The following ADGRG1 variants were observed in gnomAD, a reference collection of about 807,000 sequenced individuals.
ADGRG1 encodes the protein 7-transmembrane protein with no EGF-like N-terminal domains-1.
Under a neutral mutation model 73.5 loss-of-function variants are expected in ADGRG1, and 53 were observed. That is an observed-to-expected ratio of 0.72 (90% CI 0.58 to 0.91). ADGRG1 has a LOEUF of 0.91. ADGRG1 is among the 40% of genes least tolerant of loss of function. The probability of loss-of-function intolerance (pLI) is 0.00; values close to 1 mark genes in which losing one functional copy is unlikely to be tolerated. For synonymous variants in ADGRG1, 394 were observed against 374.4 expected (o/e 1.05, Z -0.60); for missense variants, 795 against 871.8 (o/e 0.91, Z 1.11).
Position 57,660,823 on chromosome 16 carries a change from C to A in ADGRG1, c.1611C>A (p.Gly537=). ...LVALVDVDNY[G]PIILAVHRTP... is the part of the protein sequence containing the mutation. ...CCCTGGTGGATGTGGACAACTATGG[C>A]CCCATCATCTTGGCTGTGCATAGGA... The change falls in exon 12 of 14, where the codon GGC becomes GGA. Residue 537 remains glycine (G), a synonymous_variant. Transcript: ENST00000562631. 6.2e-7 allele frequency: 1 copy of A among 1,613,000 alleles called. No homozygotes were observed. The highest frequency in any genetic ancestry group is 8.5e-7 in the Non-Finnish European group (1 of 1,179,014).
At chr16:57,653,949 C>A in intron 4 of ADGRG1, 37 bp from the exon 5 acceptor site, 1 of 1,613,068 alleles carries the variant, frequency 6.2e-7, no homozygotes, top group Non-Finnish European at 8.5e-7. Flanking sequence ...GCCCGGCCCC[C>A]TCCCCACCAT....
In ADGRG1 at chr16:57,634,972, T is replaced by C. The variant is rs1358366065; in HGVS notation, c.-36+6170T>C. On this transcript the variant is annotated intron_variant, in intron 1 of 13. Coordinates refer to ENST00000562631, the MANE Select transcript of ADGRG1 (RefSeq NM_201525.4). ...CTCCACCATGAAAGCCATGAATGCATCTTCAGAGACCCCTGTCCATGTGTA... is the reference window on the plus strand; with the variant it reads ...CTCCACCATGAAAGCCATGAATGCACCTTCAGAGACCCCTGTCCATGTGTA... 4 of 985,210 alleles carry C rather than the reference T, an allele frequency of 4.1e-6. No homozygotes were observed. The South Asian group carries it at 1.4e-4, about 35-fold the overall frequency. 61.0% of individuals were successfully genotyped at this position (985,210 alleles called of 1,614,324 possible). A position where few individuals can be genotyped will look rare whatever the true frequency, so the allele number is the denominator to read the frequency against.
chr16:57,623,804 C>G (rs905506385), upstream of ADGRG1: 2 of 985,366 alleles, frequency 2.0e-6, no homozygotes, highest in Non-Finnish European at 2.4e-6. Context: ...TGGGTACCCC[C>G]ACGCCTGTGT....
Position 57,655,969 on chromosome 16 carries a change from A to G in ADGRG1, c.994A>G (p.Thr332Ala). 1 of 1,613,944 alleles carries G rather than the reference A, an allele frequency of 6.2e-7. No individual in the cohort carries two copies. The highest frequency in any genetic ancestry group is 8.5e-7 in the Non-Finnish European group (1 of 1,179,964). Residue 332 changes from threonine (T) to alanine (A), a missense_variant, in exon 7 of 14, where the codon ACT becomes GCT. By Grantham distance (58) the Thr-to-Ala change is moderately conservative. Coordinates refer to ENST00000562631, the MANE Select transcript of ADGRG1 (RefSeq NM_201525.4). ...VANLTEPVVL[T>A]FQHQLQPKNV... is the part of the protein sequence containing the mutation. The stretch of plus-strand genomic sequence containing the variant: ...CAACCTCACGGAGCCCGTGGTGCTC[A>G]CTTTCCAGCACCAGCTACAGCCGGT...
At chr16:57,661,632 A>G (rs1007085816) in intron 12 of ADGRG1, 65 bp from the exon 13 acceptor site, 1 of 1,563,764 alleles carries the variant, frequency 6.4e-7, no homozygotes, top group Non-Finnish European at 8.7e-7. Context: ...CAAACATGAC[A>G]ACCACAGCCC....
intron 1 of ADGRG1, chr16:57,633,945 A>G: frequency 3.3e-6 from 1 of 299,436 alleles, no homozygotes; most frequent in Non-Finnish European, 4.9e-6. Flanking sequence ...ATGTTCCCCA[A>G]GACCTGAGAC....
At chr16:57,626,847 G>A (rs2035933570), upstream of ADGRG1, 1 of 976,194 alleles carries the variant, frequency 1.0e-6, no homozygotes, top group Non-Finnish European at 1.2e-6. Context: ...CAGAGGTGGT[G>A]GTATGTCAGG....
rs1413066022 is a variant in ADGRG1 at position 57,628,819 on chromosome 16, T to A, written c.-36+17T>A. ...TGGCAGCAGGTACCCAAACAAGGGC[T>A]GGACAGCAGGTGGGAAGGGGAATAG... On this transcript the variant is annotated intron_variant, in intron 1 of 13. Transcript: ENST00000562631. 1.0e-6 allele frequency: 1 copy of A among 985,516 alleles called. No homozygotes were observed. The highest frequency in any genetic ancestry group is 1.2e-6 in the Non-Finnish European group (1 of 830,334). 61.0% of individuals were successfully genotyped at this position (985,516 alleles called of 1,614,324 possible). A position where few individuals can be genotyped will look rare whatever the true frequency, so the allele number is the denominator to read the frequency against.
At chr16:57,645,404 C>A (rs1470678823) in intron 1 of ADGRG1, 3 of 833,872 alleles carry the variant, frequency 3.6e-6, no homozygotes, top group Non-Finnish European at 4.3e-6. Flanking sequence ...CTGCCCTTCT[C>A]CTGATGTCTT....
intron 1 of ADGRG1, chr16:57,637,191 C>T: frequency 2.5e-6 from 1 of 400,830 alleles, no homozygotes; most frequent in Non-Finnish European, 3.4e-6. Context: ...CTGCTGCTCC[C>T]TGAGCCTCAG....
At chr16:57,621,433 G>A (rs2034791264) in intron 2 of ADGRG1, 1 of 152,090 alleles carries the variant, frequency 6.6e-6, no homozygotes, top group African/African-American at 2.4e-5. Flanking sequence ...GATTCTCCCA[G>A]TGGGAAGTCT....
In ADGRG1 at chr16:57,634,245, G is replaced by A. The variant is rs181461003; in HGVS notation, c.-36+5443G>A. 4.6e-5 allele frequency: 45 copies of A among 985,422 alleles called. No homozygotes were observed. The East Asian group carries it at 5.0e-3, about 109-fold the overall frequency. The allele number at this position is 985,422 out of a possible 1,614,324, so 61.0% of individuals were successfully genotyped here. ...GGTGTGGCTCTGTGGCTGGCACCCTGGGTCTCGGACCCTGTGGCAGGGGGT... is the reference window on the plus strand; with the variant it reads ...GGTGTGGCTCTGTGGCTGGCACCCTAGGTCTCGGACCCTGTGGCAGGGGGT... On this transcript the variant is annotated intron_variant, in intron 1 of 13. Transcript: ENST00000562631.
At chr16:57,659,116 C>G in intron 10 of ADGRG1, 1 of 985,300 alleles carries the variant, frequency 1.0e-6, no homozygotes, top group Non-Finnish European at 1.2e-6. Context: ...TGTTTCCGCT[C>G]TGACTTTGAG....
At chr16:57,637,520 C>A in intron 1 of ADGRG1, 3 of 985,416 alleles carry the variant, frequency 3.0e-6, no homozygotes, top group Non-Finnish European at 3.6e-6. Context: ...AGCACAGGAT[C>A]CTTTGATGCA....
chr16:57,637,881 CACT>C (rs1216772964), intron 1 of ADGRG1, among the ~76,000 whole-genome samples: 2 of 152,230 alleles, frequency 1.3e-5, no homozygotes, highest in African/African-American at 4.8e-5. Context: ...TGGGGTTCCC[CACT>C]TGTGCTCTGA....
At chr16:57,630,494 C>T in intron 1 of ADGRG1, 1 of 985,662 alleles carries the variant, frequency 1.0e-6, no homozygotes, top group Non-Finnish European at 1.2e-6. Flanking sequence ...GGGGTGATCA[C>T]AGCTGCCCTG....
chr16:57,651,142 T>C, intron 2 of ADGRG1, 58 bp from the exon 3 acceptor site: 1 of 1,610,594 alleles, frequency 6.2e-7, no homozygotes, highest in Non-Finnish European at 8.5e-7. Flanking sequence ...CCTGTCCCCT[T>C]CCATGCCTCT....
chr16:57,631,568 C>A (rs1465215591), intron 1 of ADGRG1: 16 of 985,450 alleles, frequency 1.6e-5, no homozygotes, highest in Non-Finnish European at 1.8e-5. Context: ...AGCCCCCGTC[C>A]CCATGCTGGG....
rs908781277 is a variant in ADGRG1 at position 57,637,270 on chromosome 16, G to A, written c.-36+8468G>A. ...CCGACCCTGGTCGGGAATGTTGTAG[G>A]TGTGAAGTAAGACAGTGCTTTGGCT... is the stretch of plus-strand genomic sequence containing the variant. On this transcript the variant is annotated intron_variant, in intron 1 of 13. Transcript: ENST00000562631. 16 of 977,482 alleles carry A rather than the reference G, an allele frequency of 1.6e-5. No homozygotes were observed. In the African/African-American group the frequency reaches 2.4e-4, roughly 15 times the overall value. 60.6% of individuals were successfully genotyped at this position (977,482 alleles called of 1,614,324 possible).
Sources: gnomAD v4.1 joint callset for allele counts (sites outside exome capture counted in the v4.1 genomes callset) on GRCh38, gnomAD v4.1.1 for gene constraint, MANE v1.5 for transcripts, NCBI Gene and HGNC (gene_info 2026-07-23, HGNC 2026-07-21) for gene names.